Variants in FLT1 observed in about 807,000 individuals in gnomAD.
FLT1 encodes fms related receptor tyrosine kinase 1, also known as vascular endothelial growth factor receptor 1.
FLT1 carries 49 observed loss-of-function variants against 156.3 expected under a neutral mutation model. The ratio of observed to expected loss-of-function variants is 0.31; its 90% CI spans 0.25 to 0.40. The LOEUF is 0.40. Ranked by LOEUF, FLT1 falls within the 10% of genes least tolerant of loss-of-function variation. The pLI is 1.00. For synonymous variants in FLT1, 594 were observed against 583.8 expected (o/e 1.02, Z -0.25); for missense variants, 1,322 against 1,637.2 (o/e 0.81, Z 3.32).
rs1159253459 is a variant in FLT1 at position 28,309,546 on chromosome 13, T to TAG, written c.3636-620_3636-619insCT. 2.0e-5 allele frequency among the ~76,000 whole-genome samples: 3 copies of TAG among 152,172 alleles called. No individual in the cohort carries two copies. In the East Asian group the frequency reaches 5.8e-4, roughly 29 times the overall value. ...GGCAAGTTCACCTACTGACTGAATT[T>TAG]CTCAGTCCCATACTCTGTCACTCTC... On this transcript the variant is annotated intron_variant, in intron 27 of 29. Coordinates refer to ENST00000282397, the MANE Select transcript of FLT1 (RefSeq NM_002019.4).
intron 14 of FLT1, among the ~76,000 whole-genome samples, chr13:28,382,350 A>C (rs1321473024): frequency 6.6e-6 from 1 of 152,210 alleles, no homozygotes; most frequent in Non-Finnish European, 1.5e-5. Context: ...GATCTACCAG[A>C]GTTTGGCACT....
chr13:28,481,511 A>G (rs1170968340), intron 1 of FLT1, among the ~76,000 whole-genome samples: 1 of 151,972 alleles, frequency 6.6e-6, no homozygotes, highest in Non-Finnish European at 1.5e-5. Context: ...TGAACCAATG[A>G]GGAACCATGA....
intron 1 of FLT1, among the ~76,000 whole-genome samples, chr13:28,474,372 C>G (rs1880419321): frequency 6.6e-6 from 1 of 152,092 alleles, no homozygotes; most frequent in African/African-American, 2.4e-5. Context: ...ATGAGAATCA[C>G]TTGAACCTGG....
intron 17 of FLT1, among the ~76,000 whole-genome samples, chr13:28,338,503 G>A (rs868162165): frequency 2.6e-5 from 4 of 152,122 alleles, no homozygotes; most frequent in Admixed American, 6.5e-5. Context: ...GGTAGGCTGC[G>A]GGAAAGCACA....
intron 16 of FLT1, among the ~76,000 whole-genome samples, chr13:28,341,792 T>C (rs1872343031): frequency 6.6e-6 from 1 of 152,238 alleles, no homozygotes; most frequent in Non-Finnish European, 1.5e-5. Flanking sequence ...GCTCTCATTC[T>C]TTCTTATTAA....
intron 20 of FLT1, among the ~76,000 whole-genome samples, chr13:28,325,803 A>G (rs1871654203): frequency 7.4e-6 from 1 of 134,958 alleles, no homozygotes; most frequent in South Asian, 2.6e-4. Context: ...TGACAGAGAG[A>G]GAAACTCTGT....
intron 13 of FLT1, chr13:28,388,718 G>A: frequency 4.7e-6 from 5 of 1,056,984 alleles, no homozygotes; most frequent in Non-Finnish European, 5.7e-6. Flanking sequence ...TTTTTTAAAG[G>A]GCAAATTTTA....
Position 28,427,180 on chromosome 13 carries a change from T to C in FLT1, c.1415A>G (p.Asn472Ser). The C allele has an allele frequency of 6.2e-7, 1 of 1,614,074 alleles. No homozygotes were observed. The highest frequency in any genetic ancestry group is 1.3e-5 in the African/African-American group (1 of 75,030). The change falls in exon 10 of 30, where the codon AAC (asparagine) becomes AGC (serine). Residue 472 changes from asparagine (N) to serine (S), a missense_variant. By Grantham distance (46) the Asn-to-Ser change is conservative (BLOSUM62 1). This residue lies in a region of FLT1 where 991 missense variants were observed against 1,254.8 expected (regional missense o/e 0.79). Coordinates refer to ENST00000282397, the MANE Select transcript of FLT1 (RefSeq NM_002019.4). ...PTIKWFWHPCNHNHSEARCDF... is the reference protein window; with the variant it reads ...PTIKWFWHPCSHNHSEARCDF... ...CTACCTTGCTTCGGAATGATTATGGTTACAGGGGTGCCAGAACCACTTGAT... is the reference window on the plus strand; with the variant it reads ...CTACCTTGCTTCGGAATGATTATGGCTACAGGGGTGCCAGAACCACTTGAT...
At chr13:28,466,583 T>G (rs1879858309) in intron 3 of FLT1, among the ~76,000 whole-genome samples, 1 of 152,230 alleles carries the variant, frequency 6.6e-6, no homozygotes, top group African/African-American at 2.4e-5. Flanking sequence ...GGCTTCTCAA[T>G]AACTAAGAAA....
chr13:28,365,751 A>G (rs1026851469), intron 14 of FLT1, among the ~76,000 whole-genome samples: 3 of 152,192 alleles, frequency 2.0e-5, no homozygotes, highest in Admixed American at 1.3e-4. Flanking sequence ...AGTCATTACC[A>G]TGTGCTTGTT....
intron 15 of FLT1, among the ~76,000 whole-genome samples, chr13:28,351,643 T>TCC (rs1872737174): frequency 6.6e-6 from 1 of 152,254 alleles, no homozygotes; most frequent in Admixed American, 6.5e-5. Context: ...GGAAATGCTG[T>TCC]ATTCCCATTA....
intron 12 of FLT1, chr13:28,396,709 C>G: frequency 1.7e-6 from 1 of 601,526 alleles, no homozygotes; most frequent in Admixed American, 2.4e-5. Flanking sequence ...TACAAGATTC[C>G]CAATTCATAA....
chr13:28,382,162 A>G (rs1874106203), intron 14 of FLT1, among the ~76,000 whole-genome samples: 1 of 152,202 alleles, frequency 6.6e-6, no homozygotes, highest in African/African-American at 2.4e-5. Flanking sequence ...GTTATAAGTA[A>G]TAAAGACTCA....
chr13:28,396,769 G>A, intron 12 of FLT1, 191 bp downstream of exon 12: 1 of 689,888 alleles, frequency 1.4e-6, no homozygotes, highest in South Asian at 1.5e-5. Flanking sequence ...GAGAATACAG[G>A]GAAATAACTC....
chr13:28,434,095 C>A lies in FLT1; in HGVS notation c.639G>T (p.Gly213=). The A allele has an allele frequency of 6.2e-7, 1 of 1,614,146 alleles. No individual in the cohort carries two copies. The highest frequency in any genetic ancestry group is 1.7e-5 in the Admixed American group (1 of 60,026). ...TGAGATAGTTTGTCTTATACAAATG[C>A]CCATTGACTGTTGCTTCACAGGTCA... ...GLLTCEATVN[G]HLYKTNYLTH... The change falls in exon 5 of 30, where the codon GGG becomes GGT. Residue 213 remains glycine, a synonymous_variant. Coordinates refer to ENST00000282397, the MANE Select transcript of FLT1 (RefSeq NM_002019.4).
chr13:28,424,438 G>A lies in FLT1; in HGVS notation c.1436+2721C>T, dbSNP rs141384257. ...AGTCAAAACTTAGCTCGCCTTCATA[G>A]CATATTTTACTACTTTTTTTTTAAA... On this transcript the variant is annotated intron_variant, in intron 10 of 29. Coordinates refer to ENST00000282397, the MANE Select transcript of FLT1 (RefSeq NM_002019.4). 5.8e-3 allele frequency among the ~76,000 whole-genome samples: 889 copies of A among 152,106 alleles called. 14 individuals carry two copies. Among genetic ancestry groups the A allele is most frequent in the African/African-American group, 0.02 (847 of 41,484 alleles).
chr13:28,480,465 T>C (rs901336429), intron 1 of FLT1, among the ~76,000 whole-genome samples: 6 of 152,198 alleles, frequency 3.9e-5, no homozygotes, highest in African/African-American at 1.4e-4. Flanking sequence ...TGTGTTATCA[T>C]GGGGAAGTGC....
chr13:28,317,530 C>T lies in FLT1; in HGVS notation c.3354G>A (p.Arg1118=), dbSNP rs886413158. Residue 1118 remains arginine, a synonymous_variant, in exon 25 of 30, where the codon AGG becomes AGA. Transcript: ENST00000282397. The part of the protein sequence containing the change: ...DFCSRLREGM[R]MRAPEYSTPE... ...GAGTAGAGTACTCAGGAGCTCTCAT[C>T]CTCATGCCTTCCCTCAGGCGACTGC... is the stretch of plus-strand genomic sequence containing the variant. 6.2e-7 allele frequency: 1 copy of T among 1,613,822 alleles called. No homozygotes were observed. Among genetic ancestry groups the T allele is most frequent in the Non-Finnish European group, 8.5e-7 (1 of 1,179,740 alleles).
intron 3 of FLT1, among the ~76,000 whole-genome samples, chr13:28,444,446 A>AG (rs1878500138): frequency 6.6e-6 from 1 of 152,202 alleles, no homozygotes; most frequent in Non-Finnish European, 1.5e-5. Flanking sequence ...ACTTAAAAAA[A>AG]AAAGTGGATA....
Sources: gnomAD v4.1 joint callset for allele counts (sites outside exome capture counted in the v4.1 genomes callset) on GRCh38, gnomAD v4.1.1 for gene constraint, gnomAD v4.1.1 regional missense constraint, MANE v1.5 for transcripts, NCBI Gene and HGNC (gene_info 2026-07-23, HGNC 2026-07-21) for gene names.